The following LEF1 variants were observed in gnomAD, a reference collection of about 807,000 sequenced individuals.
LEF1 encodes the protein lymphoid enhancer-binding factor 1.
Under a neutral mutation model 51.2 loss-of-function variants are expected in LEF1, and 14 were observed. That is an observed-to-expected ratio of 0.27 (90% CI 0.18 to 0.43). The LOEUF (loss-of-function observed/expected upper bound fraction) is 0.43, where lower values mean the gene tolerates loss of function less well. Ranked by LOEUF, LEF1 falls within the 20% of genes least tolerant of loss-of-function variation. LEF1 has a pLI of 1.00. For synonymous variants in LEF1, 185 were observed against 183.2 expected, an observed-to-expected ratio of 1.01 and a Z score of -0.08; for missense variants, 386 against 512.0, an observed-to-expected ratio of 0.75 and a Z score of 2.37.
At chr4:108,088,995 T>C (rs1560780808) in intron 4 of LEF1, 130 bp downstream of exon 4, 1 of 985,854 alleles carries the variant, frequency 1.0e-6, no homozygotes, top group Non-Finnish European at 1.6e-6. Context: ...GAATTACTCT[T>C]GTCTTGTAAA....
intron 11 of LEF1, among the ~76,000 whole-genome samples, chr4:108,059,538 A>C (rs1578289601): frequency 2.0e-5 from 3 of 152,080 alleles, no homozygotes; most frequent in African/African-American, 7.2e-5. Flanking sequence ...GGCTGGTCTC[A>C]AACTCCTACC....
chr4:108,166,690 C>A (rs954491726), intron 1 of LEF1: 1 of 996,334 alleles, frequency 1.0e-6, no homozygotes, highest in Non-Finnish European at 1.2e-6. Context: ...CCAGAAGACC[C>A]GATAAAGCGC....
At chr4:108,162,587 T>C (rs1406927387) in intron 3 of LEF1, among the ~76,000 whole-genome samples, 1 of 152,168 alleles carries the variant, frequency 6.6e-6, no homozygotes, top group East Asian at 1.9e-4. Context: ...AGTCAAACAC[T>C]ATAGGTTCCA....
intron 8 of LEF1, among the ~76,000 whole-genome samples, chr4:108,076,931 G>A (rs975041318): frequency 3.3e-5 from 5 of 149,384 alleles, no homozygotes; most frequent in Non-Finnish European, 7.4e-5. Context: ...GGAAGCGGAG[G>A]CAGGAGAATC....
chr4:108,089,090 A>G (rs201952529), intron 4 of LEF1, 35 bp downstream of exon 4: 36 of 1,505,498 alleles, frequency 2.4e-5, no homozygotes, highest in Admixed American at 3.7e-5. Context: ...TTCATTTGGC[A>G]AAAAAAAAGG....
chr4:108,075,177 C>T (rs1347018896), intron 8 of LEF1, among the ~76,000 whole-genome samples: 3 of 152,180 alleles, frequency 2.0e-5, no homozygotes, highest in East Asian at 1.9e-4. Flanking sequence ...ACACAGGACA[C>T]CAAAAAAGCT....
intron 3 of LEF1, among the ~76,000 whole-genome samples, chr4:108,142,289 GT>G (rs1341580006): frequency 6.6e-6 from 1 of 152,184 alleles, no homozygotes; most frequent in Admixed American, 6.5e-5. Flanking sequence ...TATTTGGGAA[GT>G]TGTAAATGCA....
chr4:108,092,370 T>C (rs1173543325), intron 3 of LEF1, among the ~76,000 whole-genome samples: 1 of 152,178 alleles, frequency 6.6e-6, no homozygotes, highest in African/African-American at 2.4e-5. Flanking sequence ...ATTCCAAGGG[T>C]TATGGTTTGC....
chr4:108,148,470 G>A (rs978189911), intron 3 of LEF1, among the ~76,000 whole-genome samples: 1 of 152,120 alleles, frequency 6.6e-6, no homozygotes, highest in Admixed American at 6.5e-5. Flanking sequence ...CAACACTCCA[G>A]GGTGAGCAGG....
chr4:108,151,748 A>G (rs769790890), intron 3 of LEF1, among the ~76,000 whole-genome samples: 3 of 152,136 alleles, frequency 2.0e-5, no homozygotes, highest in Non-Finnish European at 4.4e-5. Context: ...AAAACTAATA[A>G]CTAACGTCTA....
intron 8 of LEF1, among the ~76,000 whole-genome samples, chr4:108,077,177 A>G (rs985173864): frequency 2.1e-5 from 3 of 144,158 alleles, no homozygotes; most frequent in Admixed American, 6.8e-5. Context: ...CATCTCTACA[A>G]AATTTTTTTT....
intron 9 of LEF1, among the ~76,000 whole-genome samples, chr4:108,064,901 G>T (rs1458851917): frequency 2.0e-5 from 3 of 152,010 alleles, no homozygotes; most frequent in Non-Finnish European, 1.5e-5. Context: ...GAATTCCATT[G>T]TCTGATTAAA....
chr4:108,067,460 T>C (rs1223548192), intron 9 of LEF1, among the ~76,000 whole-genome samples: 1 of 151,610 alleles, frequency 6.6e-6, no homozygotes, highest in Non-Finnish European at 1.5e-5. Context: ...ACAAAGGTCA[T>C]ATGAGGAAGA....
Position 108,082,572 on chromosome 4 carries a change from A to G in LEF1, c.638+784T>C, listed in dbSNP as rs1490072068. On this transcript the variant is annotated intron_variant, in intron 5 of 11. Coordinates refer to ENST00000265165, the MANE Select transcript of LEF1 (RefSeq NM_016269.5). ...GAGAGTCAAGTGGAAAAAGGAGAGA[A>G]ACAATTGCTTGAGTTGAGAATTATT... Among the ~76,000 whole-genome samples, 4 of 152,166 alleles carry G rather than the reference A, an allele frequency of 2.6e-5. No homozygotes were observed. The East Asian group carries it at 7.7e-4, about 29-fold the overall frequency.
intron 1 of LEF1, 167 bp from the exon 2 acceptor site, chr4:108,165,330 T>C: frequency 5.4e-6 from 3 of 550,690 alleles, no homozygotes; most frequent in Non-Finnish European, 9.7e-6. Context: ...CATAATCCTT[T>C]TCTTGTCAAC....
intron 3 of LEF1, among the ~76,000 whole-genome samples, chr4:108,127,440 G>A (rs1742618196): frequency 6.6e-6 from 1 of 152,146 alleles, no homozygotes; most frequent in African/African-American, 2.4e-5. Flanking sequence ...CCAGGGATAG[G>A]CTAAAGAGAG....
intron 8 of LEF1, 176 bp from the exon 9 acceptor site, chr4:108,070,946 A>G (rs926288678): frequency 5.5e-6 from 3 of 548,418 alleles, no homozygotes; most frequent in Non-Finnish European, 3.2e-6. Context: ...TAGTGGCTAC[A>G]GTGAAACTCA....
chr4:108,085,235 C>T (rs980620313), intron 4 of LEF1, among the ~76,000 whole-genome samples: 2 of 152,146 alleles, frequency 1.3e-5, no homozygotes, highest in Non-Finnish European at 2.9e-5. Flanking sequence ...TATATAGGCG[C>T]GTGCCACCAT....
intron 3 of LEF1, among the ~76,000 whole-genome samples, chr4:108,152,583 G>A (rs1253229932): frequency 6.6e-6 from 1 of 152,230 alleles, no homozygotes; most frequent in Non-Finnish European, 1.5e-5. Context: ...ACTGCTTTCT[G>A]GGTGTGAGAC....
Sources: gnomAD v4.1 joint callset for allele counts (sites outside exome capture counted in the v4.1 genomes callset) on GRCh38, gnomAD v4.1.1 for gene constraint, MANE v1.5 for transcripts, NCBI Gene and HGNC (gene_info 2026-07-23, HGNC 2026-07-21) for gene names.